The following LHCGR variants were observed in gnomAD, a reference collection of about 807,000 sequenced individuals.
LHCGR encodes the protein lutropin-choriogonadotropic hormone receptor.
In LHCGR, 55 loss-of-function variants were observed where a neutral mutation model predicts 60.7. The observed-to-expected ratio is 0.91, with a 90% CI of 0.73 to 1.13. LHCGR has a LOEUF of 1.13. Among genes scored for constraint, LHCGR ranks in the 50% most tolerant of loss-of-function variants. The probability of loss-of-function intolerance (pLI) is 0.00; values close to 1 mark genes in which losing one functional copy is unlikely to be tolerated. For synonymous variants in LHCGR, 337 were observed against 316.5 expected, an observed-to-expected ratio of 1.06 and a Z score of -0.69; for missense variants, 862 against 836.0, an observed-to-expected ratio of 1.03 and a Z score of -0.38.
chr2:48,709,109 A>G lies in LHCGR; in HGVS notation c.606-87T>C, dbSNP rs952624057. On this transcript the variant is annotated intron_variant, in intron 7 of 10. Transcript: ENST00000294954. ...CATATACACATGTTTAGACCAAGCTATGTGCATGATGTATAGGGTTAAAAG... is the reference window on the plus strand; with the variant it reads ...CATATACACATGTTTAGACCAAGCTGTGTGCATGATGTATAGGGTTAAAAG... 7 of 976,644 alleles carry G rather than the reference A, an allele frequency of 7.2e-6. No individual in the cohort carries two copies. In the South Asian group the frequency reaches 7.7e-5, roughly 11 times the overall value. 60.5% of individuals were successfully genotyped at this position (976,644 alleles called of 1,614,324 possible).
chr2:48,723,387 T>C (rs1572864436), intron 6 of LHCGR, 69 bp downstream of exon 6: 2 of 1,089,362 alleles, frequency 1.8e-6, no homozygotes, highest in East Asian at 2.4e-5. Context: ...GAGAAAAAGC[T>C]CACCCCAACC....
intron 7 of LHCGR, among the ~76,000 whole-genome samples, chr2:48,712,675 A>G (rs1668052781): frequency 6.6e-6 from 1 of 151,168 alleles, no homozygotes; most frequent in Admixed American, 6.6e-5. Flanking sequence ...TGAATTGTTT[A>G]CTTATAATTA....
intron 7 of LHCGR, among the ~76,000 whole-genome samples, chr2:48,710,232 C>G (rs1205564207): frequency 6.6e-6 from 1 of 152,174 alleles, no homozygotes; most frequent in African/African-American, 2.4e-5. Flanking sequence ...GGGTATATTT[C>G]TACTTTCAAA....
At chr2:48,724,640 A>G (rs1668640725) in intron 4 of LHCGR, among the ~76,000 whole-genome samples, 1 of 152,218 alleles carries the variant, frequency 6.6e-6, no homozygotes, top group African/African-American at 2.4e-5. Context: ...AATAAAGACA[A>G]TGATTCTTAG....
chr2:48,695,393 C>A (rs892845142), intron 9 of LHCGR, among the ~76,000 whole-genome samples: 1 of 152,092 alleles, frequency 6.6e-6, no homozygotes, highest in Non-Finnish European at 1.5e-5. Flanking sequence ...AAGGGTATTT[C>A]CTAGGTTTTC....
intron 1 of LHCGR, among the ~76,000 whole-genome samples, chr2:48,747,680 A>C (rs1334245272): frequency 6.6e-6 from 1 of 152,164 alleles, no homozygotes; most frequent in Non-Finnish European, 1.5e-5. Flanking sequence ...TCTAGGGGAA[A>C]GCTCCCTGAG....
chr2:48,733,222 C>T (rs1274467522), intron 1 of LHCGR: 5 of 266,288 alleles, frequency 1.9e-5, no homozygotes, highest in Non-Finnish European at 3.7e-5. Context: ...TACATAAAAG[C>T]TTCAGCAGAA....
chr2:48,716,524 A>G (rs1371590038), intron 6 of LHCGR, among the ~76,000 whole-genome samples: 1 of 152,110 alleles, frequency 6.6e-6, no homozygotes, highest in Non-Finnish European at 1.5e-5. Flanking sequence ...TCAGTTTCAC[A>G]TACTAGCTCT....
At chr2:48,745,128 A>G (rs1669639366) in intron 1 of LHCGR, among the ~76,000 whole-genome samples, 1 of 152,240 alleles carries the variant, frequency 6.6e-6, no homozygotes, top group African/African-American at 2.4e-5. Flanking sequence ...GAGAAATGCA[A>G]ATCAAAACCA....
chr2:48,722,347 A>C (rs755678375), intron 6 of LHCGR, among the ~76,000 whole-genome samples: 6 of 152,190 alleles, frequency 3.9e-5, no homozygotes, highest in Non-Finnish European at 7.3e-5. Flanking sequence ...TCTTGTAAAA[A>C]GCATATTCTG....
chr2:48,747,424 T>C lies in LHCGR; in HGVS notation c.161+8087A>G, dbSNP rs573374223. On this transcript the variant is annotated intron_variant, in intron 1 of 10. Transcript: ENST00000294954. ...TGAAGTGCCTGAAATTACTGGCCTG[T>C]GTGCCTTCACTTTTTACTAACTTAT... 7.6e-4 allele frequency among the ~76,000 whole-genome samples: 115 copies of C among 152,298 alleles called. 1 individual carries two copies. Among genetic ancestry groups the C allele is most frequent in the African/African-American group, 2.6e-3 (109 of 41,558 alleles).
Position 48,714,015 on chromosome 2 carries a change from A to G in LHCGR, c.576T>C (p.His192=). 1.9e-6 allele frequency: 3 copies of G among 1,613,162 alleles called. No homozygotes were observed. Among genetic ancestry groups the G allele is most frequent in the Non-Finnish European group, 1.7e-6 (2 of 1,179,198 alleles). The change falls in exon 7 of 11, where the codon CAT becomes CAC. Residue 192 remains histidine (H), a synonymous_variant. Transcript: ENST00000294954. The stretch of plus-strand genomic sequence containing the variant: ...AAGTCAGTGTCGTCCCATTGAATGC[A>G]TGACTTTGTACTTCTTCAAATCCAT... The part of the protein sequence containing the change: ...YGNGFEEVQS[H]AFNGTTLTSL...
At chr2:48,705,388 T>C (rs1389746052) in intron 8 of LHCGR, among the ~76,000 whole-genome samples, 1 of 152,252 alleles carries the variant, frequency 6.6e-6, no homozygotes, top group Non-Finnish European at 1.5e-5. Flanking sequence ...TGGAGAGTTC[T>C]GTAGATGTCT....
intron 7 of LHCGR, among the ~76,000 whole-genome samples, chr2:48,710,220 C>T (rs1436233385): frequency 3.3e-5 from 5 of 152,176 alleles, no homozygotes; most frequent in African/African-American, 1.2e-4. Flanking sequence ...GTCCCATCCC[C>T]TGGGTATATT....
intron 1 of LHCGR, among the ~76,000 whole-genome samples, chr2:48,748,579 C>T (rs928463231): frequency 8.5e-5 from 13 of 152,188 alleles, no homozygotes; most frequent in African/African-American, 2.9e-4. Flanking sequence ...CTAATTAACA[C>T]CTCCCAGGAA....
At chr2:48,706,384 C>T (rs4361176) in intron 8 of LHCGR, among the ~76,000 whole-genome samples, 132,176 of 152,108 alleles carry the variant, frequency 0.87, 57,539 homozygotes, top group East Asian at 1. Flanking sequence ...GGGATGGCTC[C>T]TCTGGAGGAG....
chr2:48,705,802 G>T (rs1440181007), intron 8 of LHCGR, among the ~76,000 whole-genome samples: 1 of 151,912 alleles, frequency 6.6e-6, no homozygotes, highest in East Asian at 1.9e-4. Context: ...CATGTGAGAT[G>T]GGTCTCCTGA....
intron 4 of LHCGR, among the ~76,000 whole-genome samples, 170 bp downstream of exon 4, chr2:48,725,506 G>A (rs1474953347): frequency 6.6e-6 from 1 of 152,186 alleles, no homozygotes; most frequent in African/African-American, 2.4e-5. Context: ...CACCCAGCTC[G>A]GTGGCTGACA....
At position 48,687,283 on chromosome 2, in the gene LHCGR, A is replaced by G. The variant is rs1679939498; in HGVS notation, c.*414T>C. The G allele has an allele frequency of 1.1e-5, 2 of 185,704 alleles. No homozygotes were observed. The highest frequency in any genetic ancestry group is 2.3e-5 in the Non-Finnish European group (2 of 88,078). The allele number at this position is 185,704 out of a possible 1,614,324, so 11.5% of individuals were successfully genotyped here. ...ACCGGATTGGACAGTGCATCTCTAG[A>G]GTGTGTTTTTCAAACTACCTGAGGA... On this transcript the variant is annotated 3_prime_UTR_variant, in exon 11 of 11. Coordinates refer to ENST00000294954, the MANE Select transcript of LHCGR (RefSeq NM_000233.4).
Sources: gnomAD v4.1 joint callset for allele counts (sites outside exome capture counted in the v4.1 genomes callset) on GRCh38, gnomAD v4.1.1 for gene constraint, MANE v1.5 for transcripts, NCBI Gene and HGNC (gene_info 2026-07-23, HGNC 2026-07-21) for gene names.